Variants in RTEL1 observed in about 807,000 individuals in gnomAD.
The protein encoded by RTEL1 is regulator of telomere length.
In RTEL1, 86 loss-of-function variants were observed where a neutral mutation model predicts 162.2. That is an observed-to-expected ratio of 0.53 (90% CI 0.45 to 0.63). RTEL1 has a LOEUF of 0.63. Ranked by LOEUF, RTEL1 falls within the 30% of genes least tolerant of loss-of-function variation. The probability of loss-of-function intolerance (pLI) is 0.00; values close to 1 mark genes in which losing one functional copy is unlikely to be tolerated. For synonymous variants in RTEL1, 958 were observed against 717.9 expected (o/e 1.33, Z -5.35); for missense variants, 1,941 against 1,750.2 (o/e 1.11, Z -1.95).
At chr20:63,680,600 C>T (rs771798050) in intron 13 of RTEL1, 64 bp from the exon 14 acceptor site, 69 of 1,564,800 alleles carry the variant, frequency 4.4e-5, no homozygotes, top group Non-Finnish European at 5.7e-5. Context: ...GCTGGAAGGG[C>T]CGGGGCTGGG....
chr20:63,660,463 T>C (rs2089996847), intron 2 of RTEL1, among the ~76,000 whole-genome samples: 2 of 152,196 alleles, frequency 1.3e-5, no homozygotes, highest in South Asian at 4.1e-4. Context: ...TGTAAACATA[T>C]TGTTAACAAG....
At chr20:63,681,693 G>A (rs1336289156) in intron 14 of RTEL1, 1 of 985,250 alleles carries the variant, frequency 1.0e-6, no homozygotes, top group East Asian at 1.1e-4. Flanking sequence ...GGCGAGACCT[G>A]GGCAGGGACC....
At chr20:63,693,028 C>T (rs1601183211) in intron 29 of RTEL1, 25 bp downstream of exon 29, 9 of 1,611,660 alleles carry the variant, frequency 5.6e-6, no homozygotes, top group Non-Finnish European at 6.8e-6. Context: ...AGAGGCCACC[C>T]ACCCTGAGGG....
At position 63,690,867 on chromosome 20, in the gene RTEL1, C is replaced by T. The variant is rs1333134074; in HGVS notation, c.2476C>T (p.Pro826Ser). Residue 826 changes from proline to serine, a missense_variant, in exon 27 of 35, where the codon CCT becomes TCT. Coordinates refer to ENST00000360203, the MANE Select transcript of RTEL1 (RefSeq NM_001283009.2). ...LCVEYEQEPVPARQRPRGLLA... is the reference protein window; with the variant it reads ...LCVEYEQEPVSARQRPRGLLA... ...TGTGGAGTATGAGCAGGAGCCAGTT[C>T]CTGCCCGGCAGAGGCCCAGGGGGCT... is the stretch of plus-strand genomic sequence containing the variant. 2 of 1,601,444 alleles carry T rather than the reference C, an allele frequency of 1.2e-6. No homozygotes were observed. The highest frequency in any genetic ancestry group is 3.4e-5 in the Admixed American group (2 of 58,766).
intron 8 of RTEL1, among the ~76,000 whole-genome samples, chr20:63,671,390 C>T (rs1301549078): frequency 1.3e-5 from 2 of 152,122 alleles, no homozygotes; most frequent in African/African-American, 4.8e-5. Context: ...TTATGTGACA[C>T]TCTATTAATA....
At position 63,690,548 on chromosome 20, in the gene RTEL1, C is replaced by T. The variant is rs565608509; in HGVS notation, c.2413+107C>T. The T allele has an allele frequency of 2.5e-5, 34 of 1,346,038 alleles. No homozygotes were observed. In the South Asian group the frequency reaches 3.5e-4, roughly 14 times the overall value. 83.4% of individuals were successfully genotyped at this position (1,346,038 alleles called of 1,614,324 possible). A position where few individuals can be genotyped will look rare whatever the true frequency, so the allele number is the denominator to read the frequency against. On this transcript the variant is annotated intron_variant, in intron 26 of 34. Transcript: ENST00000360203. ...CGGAGGCGACTCACCTGGCTTTGTG[C>T]GCTTCCCCTCCCACCTCCAAAGGCT...
intron 14 of RTEL1, among the ~76,000 whole-genome samples, chr20:63,685,111 C>T (rs2090562519): frequency 6.7e-6 from 1 of 148,538 alleles, no homozygotes; most frequent in African/African-American, 2.5e-5. Flanking sequence ...TGGTCTCGAA[C>T]TCCTGGGTTC....
At chr20:63,678,703 A>G (rs529761603) in intron 12 of RTEL1, among the ~76,000 whole-genome samples, 1 of 79,444 alleles carries the variant, frequency 1.3e-5, no homozygotes, top group African/African-American at 5.1e-5. Flanking sequence ...CAGCACACAC[A>G]CTCCCACGGA....
In RTEL1 at chr20:63,694,442, C is replaced by T. The variant is rs761907604; in HGVS notation, c.3063C>T (p.His1021=). 1 of 1,612,014 alleles carries T rather than the reference C, an allele frequency of 6.2e-7. No homozygotes were observed. Among genetic ancestry groups the T allele is most frequent in the African/African-American group, 1.3e-5 (1 of 74,926 alleles). The change falls in exon 31 of 35, where the codon CAC becomes CAT. Residue 1021 remains histidine, a synonymous_variant. Coordinates refer to ENST00000360203, the MANE Select transcript of RTEL1 (RefSeq NM_001283009.2). ...AAAQQLDPQE[H]LNQGRPHLSP... ...CCCAGCAGCTGGACCCCCAAGAGCA[C>T]CTGAACCAGGGCAGGCCCCACCTGT...
intron 5 of RTEL1, 95 bp from the exon 6 acceptor site, chr20:63,662,734 G>T (rs1011750051): frequency 9.4e-6 from 15 of 1,595,610 alleles, no homozygotes; most frequent in Non-Finnish European, 9.5e-6. Flanking sequence ...GAAGTTCACT[G>T]GGGGACTGCA....
At position 63,693,239 on chromosome 20, in the gene RTEL1, G is replaced by C. The variant is rs369960089; in HGVS notation, c.2948G>C (p.Ser983Thr). The C allele has an allele frequency of 5.6e-6, 9 of 1,612,060 alleles. No homozygotes were observed. The South Asian group carries it at 8.8e-5, about 16-fold the overall frequency. The change falls in exon 30 of 35, where the codon AGC becomes ACC. Residue 983 changes from serine (S) to threonine (T), a missense_variant. By Grantham distance (58) the Ser-to-Thr change is moderately conservative. Coordinates refer to ENST00000360203, the MANE Select transcript of RTEL1 (RefSeq NM_001283009.2). The stretch of plus-strand genomic sequence containing the variant: ...GGCTGTGGCTATCGGCCTGAGCACA[G>C]CATTCCCCGAAGGCAGCGGGCACAG... ...GRGCGYRPEH[S>T]IPRRQRAQPV... is the part of the protein sequence containing the mutation.
chr20:63,661,363 G>A lies in RTEL1; in HGVS notation c.168G>A (p.Thr56=), dbSNP rs776722400. ...TGKTLCLLCT[T]LAWREHLRDG... ...AGACGCTGTGCCTGCTGTGCACCAC[G>A]CTGGCCTGGCGAGAACACCTCCGAG... Residue 56 remains threonine (T), a synonymous_variant, in exon 3 of 35, where the codon ACG becomes ACA. Transcript: ENST00000360203. This position sits in a 1 kb window ranked among gnomAD's most constrained non-coding sequence, Gnocchi z 5.1. 5.4e-5 allele frequency: 87 copies of A among 1,613,556 alleles called. No homozygotes were observed. In the South Asian group the frequency reaches 7.2e-4, roughly 13 times the overall value.
Position 63,661,808 on chromosome 20 carries a change from G to T in RTEL1, c.302-42G>T, listed in dbSNP as rs998653492. On this transcript the variant is annotated intron_variant, in intron 3 of 34. Transcript: ENST00000360203. This position sits in a 1 kb window ranked among gnomAD's most constrained non-coding sequence, Gnocchi z 5.1. Reference sequence around the variant, plus strand: ...CCTGCCTTTGATACGTGAGAACGTTGTCTGAGAACCGTGACTTCTGTGCTT... The same window carrying T: ...CCTGCCTTTGATACGTGAGAACGTTTTCTGAGAACCGTGACTTCTGTGCTT... The T allele has an allele frequency of 1.3e-6, 2 of 1,563,762 alleles. No individual in the cohort carries two copies. Among genetic ancestry groups the T allele is most frequent in the Non-Finnish European group, 1.8e-6 (2 of 1,134,284 alleles).
chr20:63,694,114 T>C (rs2090901463), intron 30 of RTEL1, among the ~76,000 whole-genome samples: 1 of 152,106 alleles, frequency 6.6e-6, no homozygotes, highest in Admixed American at 6.5e-5. Context: ...CTCACTGGGA[T>C]ATCCTCATGC....
At chr20:63,676,708 G>A (rs1416972611) in intron 10 of RTEL1, among the ~76,000 whole-genome samples, 1 of 152,204 alleles carries the variant, frequency 6.6e-6, no homozygotes, top group Non-Finnish European at 1.5e-5. Context: ...GGCCCAGGCA[G>A]GCGGATCACG....
rs570402215 is a variant in RTEL1 at position 63,696,016 on chromosome 20, C to T, written c.*158C>T. The stretch of plus-strand genomic sequence containing the variant: ...AGGCGGGGCCCATGGTTGGTCCCTG[C>T]GGTGGGACCGGATCTGGGCCTGCCT... On this transcript the variant is annotated 3_prime_UTR_variant, in exon 35 of 35. Coordinates refer to ENST00000360203, the MANE Select transcript of RTEL1 (RefSeq NM_001283009.2). 1.8e-4 allele frequency: 126 copies of T among 693,358 alleles called. No homozygotes were observed. In the East Asian group the frequency reaches 2.7e-3, roughly 15 times the overall value. 43.0% of individuals were successfully genotyped at this position (693,358 alleles called of 1,614,324 possible).
At chr20:63,667,047 G>A (rs958592749) in intron 7 of RTEL1, among the ~76,000 whole-genome samples, 7 of 151,622 alleles carry the variant, frequency 4.6e-5, no homozygotes, top group Non-Finnish European at 1.0e-4. Context: ...CACCGTGTTA[G>A]CCAGGATGGT....
chr20:63,679,193 GCCTGTGT>G (rs2146215073), intron 12 of RTEL1, among the ~76,000 whole-genome samples: 1 of 152,336 alleles, frequency 6.6e-6, no homozygotes, highest in East Asian at 1.9e-4. Flanking sequence ...CAGGGCTGGG[GCCTGTGT>G]GGGGGCTCTC....
At chr20:63,676,114 G>A (rs1271302830) in intron 10 of RTEL1, among the ~76,000 whole-genome samples, 1 of 152,078 alleles carries the variant, frequency 6.6e-6, no homozygotes, top group Non-Finnish European at 1.5e-5. Context: ...TGTCACCCAG[G>A]CTGGAGAGCG....
Sources: gnomAD v4.1 joint callset for allele counts (sites outside exome capture counted in the v4.1 genomes callset) on GRCh38, gnomAD v4.1.1 for gene constraint, Gnocchi (gnomAD v3.1) non-coding constraint, MANE v1.5 for transcripts, NCBI Gene and HGNC (gene_info 2026-07-23, HGNC 2026-07-21) for gene names.